The following RFX4 variants were observed in gnomAD, a reference collection of about 807,000 sequenced individuals.
RFX4 encodes the protein transcription factor RFX4.
In RFX4, 10 loss-of-function variants were observed where a neutral mutation model predicts 95.0. The observed-to-expected ratio is 0.11, with a 90% CI of 0.06 to 0.18. RFX4 has a LOEUF of 0.18. Among genes scored for constraint, RFX4 ranks in the 10% least tolerant of loss-of-function variants. The pLI is 1.00. For synonymous variants in RFX4, 321 were observed against 340.7 expected, an observed-to-expected ratio of 0.94 and a Z score of 0.64; for missense variants, 640 against 922.0, an observed-to-expected ratio of 0.69 and a Z score of 3.96.
At chr12:106,730,853 A>G (rs770739203) in intron 13 of RFX4, among the ~76,000 whole-genome samples, 1 of 152,158 alleles carries the variant, frequency 6.6e-6, no homozygotes, top group Non-Finnish European at 1.5e-5. Context: ...TACAAAACTT[A>G]GCCAGGCATG....
In RFX4 at chr12:106,682,144, T is replaced by C; in HGVS notation, c.377+90T>C. 3.0e-6 allele frequency: 4 copies of C among 1,328,696 alleles called. No individual in the cohort carries two copies. In the South Asian group the frequency reaches 4.8e-5, roughly 16 times the overall value. 82.3% of individuals were successfully genotyped at this position (1,328,696 alleles called of 1,614,324 possible). On this transcript the variant is annotated intron_variant, in intron 5 of 17. Coordinates refer to ENST00000392842, the MANE Select transcript of RFX4 (RefSeq NM_213594.3). Reference sequence around the variant, plus strand: ...CCTTGGCTCTTTATCCTGAGCTCTGTCTGCAGGCCTGGCAGAAGTCTGTGC... The same window carrying C: ...CCTTGGCTCTTTATCCTGAGCTCTGCCTGCAGGCCTGGCAGAAGTCTGTGC...
Position 106,683,466 on chromosome 12 carries a change from GAAAAAAAAAAAAA to G in RFX4, c.377+1430_377+1442del, listed in dbSNP as rs149587196. 75 of 50,834 alleles carry G rather than the reference GAAAAAAAAAAAAA, an allele frequency of 1.5e-3. 1 individual carries two copies. The South Asian group carries it at 0.055, about 37-fold the overall frequency. The allele number at this position is 50,834 out of a possible 1,614,324, so 3.1% of individuals were successfully genotyped here. A position where few individuals can be genotyped will look rare whatever the true frequency, so the allele number is the denominator to read the frequency against. ...AATAATTTTCCAAGATGACTATTCT[GAAAAAAAAAAAAA>G]AAAAAAAAAAAAAAAAACAAACCTC... is the stretch of plus-strand genomic sequence containing the variant. On this transcript the variant is annotated intron_variant, in intron 5 of 17. Coordinates refer to ENST00000392842, the MANE Select transcript of RFX4 (RefSeq NM_213594.3).
chr12:106,655,143 C>T (rs2040930844), intron 4 of RFX4, among the ~76,000 whole-genome samples: 1 of 152,144 alleles, frequency 6.6e-6, no homozygotes, highest in Admixed American at 6.5e-5. Flanking sequence ...TTCAGGAATT[C>T]CCTTTTCAGA....
rs755500326 is a variant in RFX4 at position 106,719,910 on chromosome 12, TG to T, written c.1139-49del. ...CTCTGTTCTTTTAAGACGTAGCTCTTGTTAAATACAACTGCAGTGATGCGTG... is the reference window on the plus strand; with the variant it reads ...CTCTGTTCTTTTAAGACGTAGCTCTTTTAAATACAACTGCAGTGATGCGTG... On this transcript the variant is annotated intron_variant, in intron 11 of 17. Coordinates refer to ENST00000392842, the MANE Select transcript of RFX4 (RefSeq NM_213594.3). The T allele has an allele frequency of 7.7e-5, 108 of 1,408,906 alleles. No individual in the cohort carries two copies. In the African/African-American group the frequency reaches 1.5e-3, roughly 20 times the overall value. The allele number at this position is 1,408,906 out of a possible 1,614,324, so 87.3% of individuals were successfully genotyped here. A position where few individuals can be genotyped will look rare whatever the true frequency, so the allele number is the denominator to read the frequency against.
intron 10 of RFX4, among the ~76,000 whole-genome samples, chr12:106,711,976 T>A (rs2042198791): frequency 6.6e-6 from 1 of 152,226 alleles, no homozygotes; most frequent in South Asian, 2.1e-4. Flanking sequence ...ATAAGTGTAG[T>A]AAGTAAAAGT....
Position 106,732,961 on chromosome 12 carries a change from C to T in RFX4, c.1509C>T (p.Ala503=), listed in dbSNP as rs373816436. 3.5e-5 allele frequency: 57 copies of T among 1,614,034 alleles called. No homozygotes were observed. Among genetic ancestry groups the T allele is most frequent in the South Asian group, 1.3e-4 (12 of 91,084 alleles). The change falls in exon 15 of 18, where the codon GCC becomes GCT. Residue 503 remains alanine (A), a synonymous_variant. Coordinates refer to ENST00000392842, the MANE Select transcript of RFX4 (RefSeq NM_213594.3). The part of the protein sequence containing the change: ...VREEIILTEA[A]APTPSPVPSF... ...AAGAGATCATCTTGACAGAGGCTGC[C>T]GCACCAACCCCTTCACCAGTGCCAT...
intron 15 of RFX4, among the ~76,000 whole-genome samples, chr12:106,745,384 A>G (rs2042872476): frequency 6.6e-6 from 1 of 152,226 alleles, no homozygotes; most frequent in Non-Finnish European, 1.5e-5. Flanking sequence ...ATTACAACAA[A>G]GGACATTATT....
At chr12:106,727,802 G>A (rs2042532153) in intron 13 of RFX4, among the ~76,000 whole-genome samples, 1 of 152,102 alleles carries the variant, frequency 6.6e-6, no homozygotes, top group African/African-American at 2.4e-5. Context: ...TGTATCTTTA[G>A]TAGAGACGGA....
intron 3 of RFX4, among the ~76,000 whole-genome samples, chr12:106,647,465 A>G (rs892622239): frequency 1.3e-5 from 2 of 152,174 alleles, no homozygotes; most frequent in Non-Finnish European, 2.9e-5. Flanking sequence ...TATAAATCAA[A>G]TATATTAATA....
chr12:106,761,151 C>A, intron 17 of RFX4, 46 bp from the exon 18 acceptor site: 1 of 1,588,262 alleles, frequency 6.3e-7, no homozygotes, highest in Non-Finnish European at 8.6e-7. Flanking sequence ...GTATATGCAA[C>A]CTCAAGCTAA....
At position 106,668,677 on chromosome 12, in the gene RFX4, GC is replaced by G. The variant is rs199506584; in HGVS notation, c.316-13314del. Among the ~76,000 whole-genome samples the G allele has an allele frequency of 7.5e-3, 1,141 of 152,334 alleles. 13 individuals carry two copies. The highest frequency in any genetic ancestry group is 0.027 in the African/African-American group (1,102 of 41,574). On this transcript the variant is annotated intron_variant, in intron 4 of 17. Coordinates refer to ENST00000392842, the MANE Select transcript of RFX4 (RefSeq NM_213594.3). ...TTAGTGGGGAAGGAGTAGGCAACTAGCCATTTTATCCACATAAGGGTGTTTC... is the reference window on the plus strand; with the variant it reads ...TTAGTGGGGAAGGAGTAGGCAACTAGCATTTTATCCACATAAGGGTGTTTC...
chr12:106,684,708 A>G, intron 5 of RFX4: 1 of 1,488,194 alleles, frequency 6.7e-7, no homozygotes, highest in Non-Finnish European at 9.0e-7. Flanking sequence ...AGTGAGTTCC[A>G]GGTGGGAAGG....
chr12:106,670,177 T>C (rs2041254922), intron 4 of RFX4, among the ~76,000 whole-genome samples: 1 of 152,192 alleles, frequency 6.6e-6, no homozygotes, highest in South Asian at 2.1e-4. Flanking sequence ...GTTCCAGCCT[T>C]TCTAGGTGCT....
chr12:106,686,187 C>T (rs961081498), intron 5 of RFX4, among the ~76,000 whole-genome samples: 7 of 152,032 alleles, frequency 4.6e-5, no homozygotes, highest in Non-Finnish European at 1.0e-4. Flanking sequence ...CCAAGGTGGG[C>T]AGATCATGAG....
intron 2 of RFX4, among the ~76,000 whole-genome samples, chr12:106,623,846 AT>A (rs1245703754): frequency 6.6e-6 from 1 of 152,248 alleles, no homozygotes; most frequent in Non-Finnish European, 1.5e-5. Context: ...GATGATTTAA[AT>A]GATGTAGATA....
At chr12:106,738,839 C>T (rs1395595574) in intron 15 of RFX4, among the ~76,000 whole-genome samples, 1 of 152,084 alleles carries the variant, frequency 6.6e-6, no homozygotes, top group African/African-American at 2.4e-5. Context: ...AAACTATTTA[C>T]CCATGCTAGA....
chr12:106,757,518 A>G (rs1283968397), intron 17 of RFX4, among the ~76,000 whole-genome samples: 1 of 150,574 alleles, frequency 6.6e-6, no homozygotes, highest in East Asian at 2.0e-4. Context: ...ACTGCACTCC[A>G]GCCTGGGTGA....
chr12:106,703,591 C>T (rs780352063), intron 8 of RFX4, among the ~76,000 whole-genome samples: 1 of 152,170 alleles, frequency 6.6e-6, no homozygotes, highest in Non-Finnish European at 1.5e-5. Flanking sequence ...TTTAGTAAAA[C>T]ACATCTTTAT....
chr12:106,592,206 GA>G (rs10710882), intron 1 of RFX4, among the ~76,000 whole-genome samples: 89,769 of 150,842 alleles, frequency 0.6, 27,424 homozygotes, highest in East Asian at 0.87. Flanking sequence ...TAAGAATACT[GA>G]AAAAAAAAAT....
Sources: allele counts gnomAD v4.1 joint callset (sites outside exome capture counted in the v4.1 genomes callset), GRCh38; gene constraint gnomAD v4.1.1; transcripts MANE v1.5; gene names NCBI Gene and HGNC (gene_info 2026-07-23, HGNC 2026-07-21).